MMP24: variants seen among roughly 807,000 people sequenced by gnomAD.
The protein encoded by MMP24 is matrix metallopeptidase 24.
In MMP24, 25 loss-of-function variants were observed where a neutral mutation model predicts 62.8. That is an observed-to-expected ratio of 0.40 (90% CI 0.29 to 0.56). MMP24 has a LOEUF of 0.56. MMP24 is among the 20% of genes least tolerant of loss of function. The pLI is 0.50. For synonymous variants in MMP24, 319 were observed against 350.5 expected, an observed-to-expected ratio of 0.91 and a Z score of 1.00; for missense variants, 634 against 853.6, an observed-to-expected ratio of 0.74 and a Z score of 3.21.
chr20:35,227,037 G>C (rs1020221685), intron 1 of MMP24, 53 bp downstream of exon 1: 1 of 977,242 alleles, frequency 1.0e-6, no homozygotes, highest in Non-Finnish European at 1.2e-6. Context: ...CGGGCAGGGC[G>C]GGGGGCGGCA....
rs967699870 is a variant in MMP24, at chr20:35,269,077, C to G, written c.1195-683C>G. On this transcript the variant is annotated intron_variant, in intron 6 of 8. Coordinates refer to ENST00000246186, the MANE Select transcript of MMP24 (RefSeq NM_006690.4). This position sits in a 1 kb window ranked among gnomAD's most constrained non-coding sequence, Gnocchi z 4.6. ...GAGGCCTGGAGGCTACAGGCCTTGCCTAGACTGCTTGTGTACCAGCCCAAG... is the reference window on the plus strand; with the variant it reads ...GAGGCCTGGAGGCTACAGGCCTTGCGTAGACTGCTTGTGTACCAGCCCAAG... Among the ~76,000 whole-genome samples, 1 of 151,616 alleles carries G rather than the reference C, an allele frequency of 6.6e-6. No homozygotes were observed. Among genetic ancestry groups the G allele is most frequent in the Admixed American group, 6.6e-5 (1 of 15,228 alleles).
At chr20:35,253,293 T>TTTTTTTTTTTTTTTC (rs869302559) in intron 3 of MMP24, among the ~76,000 whole-genome samples, 1 of 130,358 alleles carries the variant, frequency 7.7e-6, no homozygotes, top group African/African-American at 3.0e-5. Context: ...TTTTTTTTTT[T>TTTTTTTTTTTTTTTC]CAGAAATCTG....
At chr20:35,248,860 T>C (rs2060529756) in intron 2 of MMP24, among the ~76,000 whole-genome samples, 1 of 152,164 alleles carries the variant, frequency 6.6e-6, no homozygotes, top group East Asian at 1.9e-4. Flanking sequence ...CTCATGGCAG[T>C]GCATCCTGGG....
chr20:35,272,119 C>G, intron 8 of MMP24: 1 of 492,122 alleles, frequency 2.0e-6, no homozygotes. Context: ...CCTCAGTGTA[C>G]TCCAGGGACG....
At chr20:35,268,923 A>G (rs374629539) in intron 6 of MMP24, among the ~76,000 whole-genome samples, 2 of 152,138 alleles carry the variant, frequency 1.3e-5, no homozygotes, top group South Asian at 4.2e-4. Context: ...GCTACTCAGG[A>G]GGCTGAGGCA....
rs1229972613 is a variant in MMP24, at chr20:35,269,965, A to C, written c.1333+67A>C. 6.5e-7 allele frequency: 1 copy of C among 1,536,804 alleles called. No homozygotes were observed. Among genetic ancestry groups the C allele is most frequent in the East Asian group, 2.5e-5 (1 of 40,732 alleles). On this transcript the variant is annotated intron_variant, in intron 7 of 8. Transcript: ENST00000246186. The surrounding 1 kb of genome is among the most constrained non-coding windows in gnomAD (Gnocchi z 4.6). ...CTTGGGACCTCCTTTTTCCCATCTA[A>C]ACTGGAAGAGGCGGGGTGGGAGGCA...
chr20:35,253,868 GT>G (rs11474068), intron 3 of MMP24, among the ~76,000 whole-genome samples: 230 of 130,072 alleles, frequency 1.8e-3, no homozygotes, highest in Admixed American at 3.0e-3. Context: ...TTTCCTTTGG[GT>G]TTTTTTTTTT....
At chr20:35,268,975 C>G (rs532939300) in intron 6 of MMP24, among the ~76,000 whole-genome samples, 28 of 149,064 alleles carry the variant, frequency 1.9e-4, no homozygotes, top group Middle Eastern at 7.0e-3. Context: ...TGCAGTGAGC[C>G]GAGATTGCGC....
intron 8 of MMP24, among the ~76,000 whole-genome samples, chr20:35,273,803 A>ATG (rs1243374755): frequency 6.6e-6 from 1 of 151,910 alleles, no homozygotes; most frequent in Non-Finnish European, 1.5e-5. Flanking sequence ...TTGTGAAGTG[A>ATG]TGTGTGCCAA....
At chr20:35,255,931 G>A (rs894908406) in intron 4 of MMP24, 4 of 152,164 alleles carry the variant, frequency 2.6e-5, no homozygotes, top group Non-Finnish European at 5.9e-5. Context: ...TCTAGCAGGG[G>A]AGTTAGGTGT....
intron 1 of MMP24, among the ~76,000 whole-genome samples, chr20:35,230,150 C>T (rs1380566092): frequency 3.3e-5 from 5 of 152,032 alleles, no homozygotes; most frequent in Non-Finnish European, 5.9e-5. Flanking sequence ...CCACCACGCC[C>T]GGTTAATTTT....
chr20:35,259,466 T>G (rs2146225659), intron 4 of MMP24, among the ~76,000 whole-genome samples: 1 of 152,250 alleles, frequency 6.6e-6, no homozygotes, highest in Middle Eastern at 3.4e-3. Context: ...GAGGAAGCGG[T>G]CAGTGCCATA....
intron 4 of MMP24, among the ~76,000 whole-genome samples, chr20:35,260,368 A>T (rs922014925): frequency 6.6e-6 from 1 of 152,212 alleles, no homozygotes; most frequent in Non-Finnish European, 1.5e-5. Context: ...GGGTTAAAAG[A>T]GCAAGAGACA....
chr20:35,268,463 G>A (rs1600804509), intron 6 of MMP24, among the ~76,000 whole-genome samples: 1 of 152,238 alleles, frequency 6.6e-6, no homozygotes, highest in South Asian at 2.1e-4. Flanking sequence ...GTCAGCCCCA[G>A]TCTGGCTTCT....
Position 35,226,753 on chromosome 20 carries a change from GGGCGGC to G in MMP24, c.16_21del (p.Gly6_Gly7del). ...CCGCCGCCGGGATGCCGAGGAGCCG[GGGCGGC>G]CGCGCCGCGCCGGGGCCGCCGCCGC... On this transcript the variant is annotated inframe_deletion, in exon 1 of 9. Transcript: ENST00000246186. 2 of 813,638 alleles carry G rather than the reference GGGCGGC, an allele frequency of 2.5e-6. No homozygotes were observed. The highest frequency in any genetic ancestry group is 2.9e-6 in the Non-Finnish European group (2 of 680,862). 50.4% of individuals were successfully genotyped at this position (813,638 alleles called of 1,614,324 possible). A position where few individuals can be genotyped will look rare whatever the true frequency, so the allele number is the denominator to read the frequency against.
chr20:35,232,792 T>C (rs1568608396), intron 1 of MMP24, among the ~76,000 whole-genome samples: 3 of 152,108 alleles, frequency 2.0e-5, no homozygotes. Context: ...TGAGAGCAGA[T>C]TGTGCATTTG....
At chr20:35,244,569 T>A (rs189195978) in intron 1 of MMP24, among the ~76,000 whole-genome samples, 7,437 of 152,076 alleles carry the variant, frequency 0.049, 591 homozygotes, top group African/African-American at 0.17. Context: ...GCCTCCCGAG[T>A]AGCTGAGATT....
intron 6 of MMP24, among the ~76,000 whole-genome samples, chr20:35,268,695 G>A (rs1451253553): frequency 6.6e-6 from 1 of 152,192 alleles, no homozygotes; most frequent in Non-Finnish European, 1.5e-5. Context: ...TTCATAGGCA[G>A]GTCCGGGTTT....
At chr20:35,255,904 T>C (rs1413109994) in intron 4 of MMP24, 3 of 152,216 alleles carry the variant, frequency 2.0e-5, no homozygotes, top group African/African-American at 7.2e-5. Flanking sequence ...CTCTGTCCCC[T>C]GGCAGTCCAG....
Sources: allele counts gnomAD v4.1 joint callset (sites outside exome capture counted in the v4.1 genomes callset), GRCh38; gene constraint gnomAD v4.1.1; non-coding constraint Gnocchi (gnomAD v3.1); transcripts MANE v1.5; gene names NCBI Gene and HGNC (gene_info 2026-07-23, HGNC 2026-07-21).